Variants in GPATCH8 observed in about 807,000 individuals in gnomAD.
The protein encoded by GPATCH8 is G patch domain-containing protein 8.
Under a neutral mutation model 118.3 loss-of-function variants are expected in GPATCH8, and 18 were observed. The ratio of observed to expected loss-of-function variants is 0.15; its 90% confidence interval spans 0.11 to 0.23. The LOEUF is 0.23. Among genes scored for constraint, GPATCH8 ranks in the 10% least tolerant of loss-of-function variants. GPATCH8 has a pLI of 1.00. For synonymous variants in GPATCH8, 659 were observed against 684.7 expected (o/e 0.96, Z 0.59); for missense variants, 1,631 against 1,873.8 (o/e 0.87, Z 2.39).
intron 6 of GPATCH8, among the ~76,000 whole-genome samples, chr17:44,407,418 A>G (rs2049272275): frequency 6.6e-6 from 1 of 152,228 alleles, no homozygotes. Flanking sequence ...ATCAACTCTA[A>G]AAGGGCTAGG....
At chr17:44,484,812 T>C (rs1365230344) in intron 1 of GPATCH8, among the ~76,000 whole-genome samples, 1 of 152,162 alleles carries the variant, frequency 6.6e-6, no homozygotes, top group Non-Finnish European at 1.5e-5. Flanking sequence ...ATAAGTGCTA[T>C]GATGTGTCCT....
intron 1 of GPATCH8, among the ~76,000 whole-genome samples, chr17:44,500,980 G>C (rs1236066127): frequency 6.6e-6 from 1 of 152,004 alleles, no homozygotes; most frequent in Non-Finnish European, 1.5e-5. Context: ...AAAACATCTA[G>C]AAAAATACCA....
chr17:44,474,145 T>C (rs1967538544), intron 2 of GPATCH8, among the ~76,000 whole-genome samples: 1 of 152,296 alleles, frequency 6.6e-6, no homozygotes, highest in African/African-American at 2.4e-5. Flanking sequence ...ATTTTAACAA[T>C]AGACTGTGTT....
chr17:44,404,639 T>C (rs2049151840), intron 7 of GPATCH8, among the ~76,000 whole-genome samples: 1 of 152,142 alleles, frequency 6.6e-6, no homozygotes, highest in African/African-American at 2.4e-5. Context: ...AGTTTAGATA[T>C]AATTTCATTA....
At position 44,397,195 on chromosome 17, in the gene GPATCH8, G is replaced by C. The variant is rs914638007; in HGVS notation, c.*373C>G. On this transcript the variant is annotated 3_prime_UTR_variant, in exon 8 of 8. Coordinates refer to ENST00000591680, the MANE Select transcript of GPATCH8 (RefSeq NM_001002909.4). ...TCTGGTGACAACCCACTGGCCAGAG[G>C]GGAGGAAAATGTTTTAAAATTTACA... The C allele has an allele frequency of 4.3e-6, 2 of 465,484 alleles. No individual in the cohort carries two copies. The highest frequency in any genetic ancestry group is 4.0e-5 in the African/African-American group (2 of 50,428). The allele number at this position is 465,484 out of a possible 1,614,324, so 28.8% of individuals were successfully genotyped here.
intron 1 of GPATCH8, among the ~76,000 whole-genome samples, chr17:44,479,726 T>C: frequency 6.6e-6 from 1 of 152,112 alleles, no homozygotes; most frequent in Middle Eastern, 3.2e-3. Context: ...CCCAGCACTT[T>C]GGGAGGTCGA....
intron 5 of GPATCH8, among the ~76,000 whole-genome samples, chr17:44,428,489 T>C (rs1284796865): frequency 2.9e-5 from 4 of 139,820 alleles, no homozygotes; most frequent in African/African-American, 1.1e-4. Context: ...TGAGACTCCA[T>C]CTCAATTAAA....
At chr17:44,455,272 T>C (rs554381407) in intron 3 of GPATCH8, among the ~76,000 whole-genome samples, 2 of 152,056 alleles carry the variant, frequency 1.3e-5, no homozygotes, top group East Asian at 3.9e-4. Flanking sequence ...GAGGCCGAGG[T>C]GGGCAGATCA....
intron 1 of GPATCH8, among the ~76,000 whole-genome samples, chr17:44,489,344 T>G (rs1466996478): frequency 6.6e-6 from 1 of 151,218 alleles, no homozygotes; most frequent in Non-Finnish European, 1.5e-5. Context: ...CCACCCCCTC[T>G]TTTTTGTTTT....
chr17:44,447,453 A>C (rs1032722559), intron 3 of GPATCH8, among the ~76,000 whole-genome samples: 2 of 152,002 alleles, frequency 1.3e-5, no homozygotes, highest in African/African-American at 4.8e-5. Context: ...CACCGCACCC[A>C]GCCAATAAAC....
At position 44,454,419 on chromosome 17, in the gene GPATCH8, G is replaced by A. The variant is rs2051249798; in HGVS notation, c.193+10053C>T. Among the ~76,000 whole-genome samples the A allele has an allele frequency of 2.0e-5, 3 of 152,258 alleles. No homozygotes were observed. The South Asian group carries it at 6.2e-4, about 32-fold the overall frequency. ...ACTACAGGCACATGCCACTGGAACT[G>A]CAACTTCTTTTCTGATTGTTATTTT... On this transcript the variant is annotated intron_variant, in intron 3 of 7. Coordinates refer to ENST00000591680, the MANE Select transcript of GPATCH8 (RefSeq NM_001002909.4).
intron 6 of GPATCH8, among the ~76,000 whole-genome samples, chr17:44,412,142 C>T (rs911249194): frequency 3.3e-5 from 5 of 152,098 alleles, no homozygotes; most frequent in Non-Finnish European, 5.9e-5. Context: ...GGGATGGTCT[C>T]AAACTCCTGA....
intron 3 of GPATCH8, among the ~76,000 whole-genome samples, chr17:44,444,174 G>A (rs1488076782): frequency 6.6e-6 from 1 of 151,578 alleles, no homozygotes; most frequent in Non-Finnish European, 1.5e-5. Flanking sequence ...GGCCTGGGAA[G>A]GATATCTCAT....
At chr17:44,489,995 C>CATATATCAT (rs1969119448) in intron 1 of GPATCH8, among the ~76,000 whole-genome samples, 1 of 152,026 alleles carries the variant, frequency 6.6e-6, no homozygotes, top group Non-Finnish European at 1.5e-5. Flanking sequence ...TCATACAAAC[C>CATATATCAT]ACTTCGAGAA....
chr17:44,433,792 A>C (rs1409668028), intron 5 of GPATCH8, among the ~76,000 whole-genome samples: 1 of 152,202 alleles, frequency 6.6e-6, no homozygotes, highest in African/African-American at 2.4e-5. Context: ...AGAAGCAACT[A>C]ATCTAGGAAA....
rs148452781 is a variant in GPATCH8 at position 44,400,057 on chromosome 17, G to A, written c.2020C>T (p.Arg674Trp). ...SKKERSGKSH[R>W]HKKKKKHKKS... ...TTGTGCTTCTTTTTCTTTTTGTGCCGGTGGGACTTCCCAGATCGTTCTTTC... is the reference window on the plus strand; with the variant it reads ...TTGTGCTTCTTTTTCTTTTTGTGCCAGTGGGACTTCCCAGATCGTTCTTTC... The change falls in exon 8 of 8, where the codon CGG becomes TGG. Residue 674 changes from arginine (R) to tryptophan (W), a missense_variant. This residue lies in a region of GPATCH8 where 922 missense variants were observed against 879.7 expected (regional missense o/e 1.05). Coordinates refer to ENST00000591680, the MANE Select transcript of GPATCH8 (RefSeq NM_001002909.4). 18 of 1,613,450 alleles carry A rather than the reference G, an allele frequency of 1.1e-5. No individual in the cohort carries two copies. The highest frequency in any genetic ancestry group is 3.3e-5 in the South Asian group (3 of 91,066).
In GPATCH8 at chr17:44,397,455, T is replaced by G. The variant is rs1463132059; in HGVS notation, c.*113A>C. 2 of 777,622 alleles carry G rather than the reference T, an allele frequency of 2.6e-6. No homozygotes were observed. The highest frequency in any genetic ancestry group is 1.4e-5 in the South Asian group (1 of 69,402). 48.2% of individuals were successfully genotyped at this position (777,622 alleles called of 1,614,324 possible). ...GCAAGCCAAAACTCAATTCTTTGGC[T>G]GTCAGACACTGCCCATCCCAGCTTC... On this transcript the variant is annotated 3_prime_UTR_variant, in exon 8 of 8. Transcript: ENST00000591680.
intron 3 of GPATCH8, among the ~76,000 whole-genome samples, chr17:44,461,756 C>T (rs11655284): frequency 6.1e-4 from 93 of 151,914 alleles, no homozygotes; most frequent in Non-Finnish European, 1.1e-3. Context: ...CGTAGTGGTG[C>T]GATCAAGGGT....
In GPATCH8 at chr17:44,483,399, C is replaced by T. The variant is rs540164675; in HGVS notation, c.46-8496G>A. The stretch of plus-strand genomic sequence containing the variant: ...CTGAGTAGCTGGGACTACAGGCACC[C>T]ACCACCACACCTGGCTAATTTTTGT... On this transcript the variant is annotated intron_variant, in intron 1 of 7. Transcript: ENST00000591680. 1.6e-4 allele frequency among the ~76,000 whole-genome samples: 24 copies of T among 145,976 alleles called. No homozygotes were observed. In the South Asian group the frequency reaches 5.2e-3, roughly 31 times the overall value.
Sources: allele counts gnomAD v4.1 joint callset (sites outside exome capture counted in the v4.1 genomes callset), GRCh38; gene constraint gnomAD v4.1.1; regional missense constraint gnomAD v4.1.1; transcripts MANE v1.5; gene names NCBI Gene and HGNC (gene_info 2026-07-23, HGNC 2026-07-21).